The following ARHGAP31 variants were observed in gnomAD, a reference collection of about 807,000 sequenced individuals.
ARHGAP31 encodes the protein rho GTPase-activating protein 31.
Under a neutral mutation model 113.9 loss-of-function variants are expected in ARHGAP31, and 34 were observed. The observed-to-expected ratio is 0.30, with a 90% CI of 0.23 to 0.40. ARHGAP31 has a LOEUF of 0.40. Ranked by LOEUF, ARHGAP31 falls within the 10% of genes least tolerant of loss-of-function variation. ARHGAP31 has a pLI of 1.00. For missense variants in ARHGAP31, 1,548 were observed against 1,767.1 expected, an observed-to-expected ratio of 0.88 and a Z score of 2.22; for synonymous variants, 650 against 684.8, an observed-to-expected ratio of 0.95 and a Z score of 0.79.
At chr3:119,314,867 G>A (rs1205872893) in intron 1 of ARHGAP31, 1 of 152,224 alleles carries the variant, frequency 6.6e-6, no homozygotes, top group Admixed American at 6.5e-5. Flanking sequence ...AGGCACTTGT[G>A]TTCAGGAAGA....
chr3:119,324,828 G>A (rs549905215), intron 1 of ARHGAP31: 261 of 433,668 alleles, frequency 6.0e-4, no homozygotes, highest in African/African-American at 1.2e-3. Flanking sequence ...TTTAATGGAC[G>A]ACTCCTTTTA....
At chr3:119,407,228 T>A (rs2080671011) in intron 10 of ARHGAP31, among the ~76,000 whole-genome samples, 1 of 151,682 alleles carries the variant, frequency 6.6e-6, no homozygotes, top group Non-Finnish European at 1.5e-5. Flanking sequence ...GCACCTGTAG[T>A]CCCAGCTACT....
chr3:119,349,242 T>C (rs924901369), intron 1 of ARHGAP31, among the ~76,000 whole-genome samples: 1 of 152,208 alleles, frequency 6.6e-6, no homozygotes, highest in Non-Finnish European at 1.5e-5. Context: ...TTACATCTTA[T>C]CCCTCAAGTA....
At chr3:119,360,662 A>C (rs1160400781) in intron 1 of ARHGAP31, among the ~76,000 whole-genome samples, 1 of 152,268 alleles carries the variant, frequency 6.6e-6, no homozygotes, top group Non-Finnish European at 1.5e-5. Flanking sequence ...GGAAATAAAT[A>C]AAACAAAGGA....
intron 1 of ARHGAP31, among the ~76,000 whole-genome samples, chr3:119,316,372 T>G (rs1356104716): frequency 6.6e-6 from 1 of 152,246 alleles, no homozygotes. Context: ...ACAGAACTGT[T>G]GTTTTAGGAC....
At chr3:119,308,719 T>C (rs972584788) in intron 1 of ARHGAP31, among the ~76,000 whole-genome samples, 1 of 152,210 alleles carries the variant, frequency 6.6e-6, no homozygotes, top group African/African-American at 2.4e-5. Context: ...GGCATGGACA[T>C]CTTTGAAGGG....
At chr3:119,374,702 G>T (rs1388428471) in intron 3 of ARHGAP31, among the ~76,000 whole-genome samples, 1 of 152,094 alleles carries the variant, frequency 6.6e-6, no homozygotes, top group Non-Finnish European at 1.5e-5. Context: ...CTGTGGTAAG[G>T]CAAGCTTGCT....
chr3:119,409,140 C>T (rs144497573), intron 10 of ARHGAP31, among the ~76,000 whole-genome samples: 3 of 152,254 alleles, frequency 2.0e-5, no homozygotes, highest in Non-Finnish European at 4.4e-5. Flanking sequence ...TGGCTTCTAA[C>T]CACTACATGC....
At position 119,309,670 on chromosome 3, in the gene ARHGAP31, G is replaced by A. The variant is rs1307747519; in HGVS notation, c.100+14666G>A. Among the ~76,000 whole-genome samples, 6 of 152,230 alleles carry A rather than the reference G, an allele frequency of 3.9e-5. No individual in the cohort carries two copies. The East Asian group carries it at 9.7e-4, about 25-fold the overall frequency. On this transcript the variant is annotated intron_variant, in intron 1 of 11. Coordinates refer to ENST00000264245, the MANE Select transcript of ARHGAP31 (RefSeq NM_020754.4). ...AGTTACTCAGGAGGCTGAGGTGGGA[G>A]GATTGCTTGAGCCCAGGAGGTCAAA...
intron 8 of ARHGAP31, among the ~76,000 whole-genome samples, chr3:119,396,932 T>C (rs1047076404): frequency 5.3e-5 from 8 of 152,168 alleles, no homozygotes; most frequent in African/African-American, 1.9e-4. Flanking sequence ...TTGTACATTA[T>C]TAAAGAGAAA....
intron 1 of ARHGAP31, among the ~76,000 whole-genome samples, chr3:119,337,304 G>C (rs1232328719): frequency 6.6e-6 from 1 of 152,130 alleles, no homozygotes; most frequent in East Asian, 1.9e-4. Context: ...CCTTTGCGTT[G>C]AGTGTTACAG....
chr3:119,295,562 T>C (rs1018767951), intron 1 of ARHGAP31, among the ~76,000 whole-genome samples: 2 of 151,974 alleles, frequency 1.3e-5, no homozygotes, highest in African/African-American at 2.4e-5. Flanking sequence ...ATGCCAAATA[T>C]ATAGTACCTC....
rs10719267 is a variant in ARHGAP31 at position 119,381,985 on chromosome 3, CA to C, written c.432-284del. ...TGGGCGACAGAGCGAGACTCCGTCT[CA>C]AAAAAAAAAAAAAAAAAAAAAAGCC... On this transcript the variant is annotated intron_variant, in intron 4 of 11. Coordinates refer to ENST00000264245, the MANE Select transcript of ARHGAP31 (RefSeq NM_020754.4). Among the ~76,000 whole-genome samples, 14,728 of 62,366 alleles carry C rather than the reference CA, an allele frequency of 0.24. 546 individuals carry two copies. The highest frequency in any genetic ancestry group is 0.44 in the East Asian group (1,180 of 2,682). The allele number at this position is 62,366 out of a possible 152,430, so 40.9% of individuals were successfully genotyped here.
At chr3:119,408,514 T>C (rs1273365343) in intron 10 of ARHGAP31, among the ~76,000 whole-genome samples, 1 of 152,242 alleles carries the variant, frequency 6.6e-6, no homozygotes, top group African/African-American at 2.4e-5. Flanking sequence ...GCTTGTGCTG[T>C]GTGCCAGACA....
intron 1 of ARHGAP31, among the ~76,000 whole-genome samples, chr3:119,358,760 A>G (rs144100203): frequency 1.2e-4 from 19 of 152,306 alleles, no homozygotes; most frequent in African/African-American, 4.6e-4. Context: ...ATATTTTAAG[A>G]TCTCATTTAT....
chr3:119,411,658 T>C (rs1449855529), intron 11 of ARHGAP31, among the ~76,000 whole-genome samples: 2 of 152,122 alleles, frequency 1.3e-5, no homozygotes, highest in Non-Finnish European at 2.9e-5. Flanking sequence ...CTGTCCCCGC[T>C]CCGAAGGAGG....
At chr3:119,334,614 C>T (rs550556658) in intron 1 of ARHGAP31, among the ~76,000 whole-genome samples, 1 of 152,290 alleles carries the variant, frequency 6.6e-6, no homozygotes, top group East Asian at 1.9e-4. Flanking sequence ...ATAATTTCAT[C>T]TGCATGATAG....
intron 10 of ARHGAP31, among the ~76,000 whole-genome samples, chr3:119,403,819 G>C (rs1327059732): frequency 6.6e-6 from 1 of 152,142 alleles, no homozygotes; most frequent in Non-Finnish European, 1.5e-5. Context: ...AACCCAACTG[G>C]GCTGATTCGG....
intron 10 of ARHGAP31, among the ~76,000 whole-genome samples, chr3:119,405,942 G>A (rs1247613317): frequency 6.6e-6 from 1 of 152,218 alleles, no homozygotes; most frequent in African/African-American, 2.4e-5. Context: ...CCTGAGGACT[G>A]TGCAGCACAT....
Sources: allele counts gnomAD v4.1 joint callset (sites outside exome capture counted in the v4.1 genomes callset), GRCh38; gene constraint gnomAD v4.1.1; transcripts MANE v1.5; gene names NCBI Gene and HGNC (gene_info 2026-07-23, HGNC 2026-07-21).